The following HDAC4 variants were observed in gnomAD, a reference collection of about 807,000 sequenced individuals.
HDAC4 encodes histone deacetylase 4.
HDAC4 carries 16 observed loss-of-function variants against 135.1 expected under a neutral mutation model. That is an observed-to-expected ratio of 0.12 (90% CI 0.08 to 0.18). HDAC4 has a LOEUF of 0.18. Among genes scored for constraint, HDAC4 ranks in the 10% least tolerant of loss-of-function variants. The pLI, the probability that HDAC4 is intolerant of heterozygous loss-of-function variation, is 1.00. For synonymous variants in HDAC4, 685 were observed against 653.4 expected (o/e 1.05, Z -0.74); for missense variants, 1,143 against 1,511.8 (o/e 0.76, Z 4.05).
intron 16 of HDAC4, among the ~76,000 whole-genome samples, chr2:239,098,383 C>T (rs1333341141): frequency 6.6e-6 from 1 of 152,274 alleles, no homozygotes; most frequent in Non-Finnish European, 1.5e-5. Flanking sequence ...GGCTCGGCTC[C>T]AGCCATCCTC....
chr2:239,182,693 T>A (rs681715), intron 4 of HDAC4, among the ~76,000 whole-genome samples: 113,146 of 152,098 alleles, frequency 0.74, 42,202 homozygotes, highest in South Asian at 0.91. Context: ...CAGGACAAAC[T>A]GGATTTCAAC....
At chr2:239,380,833 C>T (rs902727939) in intron 1 of HDAC4, among the ~76,000 whole-genome samples, 3 of 152,112 alleles carry the variant, frequency 2.0e-5, no homozygotes, top group African/African-American at 7.2e-5. Context: ...TGCTGCCTAC[C>T]GATCTCCACT....
At chr2:239,362,709 A>G (rs923252864) in intron 1 of HDAC4, among the ~76,000 whole-genome samples, 3 of 152,182 alleles carry the variant, frequency 2.0e-5, no homozygotes, top group African/African-American at 7.2e-5. Context: ...CCAAATACAC[A>G]TCATCTCCTG....
chr2:239,084,960 GAC>G (rs2035780146), intron 19 of HDAC4, among the ~76,000 whole-genome samples: 1 of 124,684 alleles, frequency 8.0e-6, no homozygotes, highest in South Asian at 2.7e-4. Flanking sequence ...ACAAACCACA[GAC>G]ACATACAAGC....
chr2:239,348,283 A>G (rs1692864116), intron 2 of HDAC4, among the ~76,000 whole-genome samples: 1 of 151,440 alleles, frequency 6.6e-6, no homozygotes, highest in African/African-American at 2.4e-5. Flanking sequence ...GACACGTCCC[A>G]GCAAATCCAC....
chr2:239,072,823 G>C (rs2034333834), intron 22 of HDAC4, among the ~76,000 whole-genome samples: 1 of 152,232 alleles, frequency 6.6e-6, no homozygotes, highest in Non-Finnish European at 1.5e-5. Flanking sequence ...CCGCAGATCA[G>C]AATCTTATTG....
chr2:239,214,489 A>G (rs2046514880), intron 3 of HDAC4, among the ~76,000 whole-genome samples: 1 of 152,190 alleles, frequency 6.6e-6, no homozygotes, highest in East Asian at 1.9e-4. Context: ...GCTGAGGGAC[A>G]TTTCGGGGGT....
At chr2:239,227,917 C>G (rs1038792863) in intron 3 of HDAC4, among the ~76,000 whole-genome samples, 5 of 152,224 alleles carry the variant, frequency 3.3e-5, no homozygotes, top group African/African-American at 1.2e-4. Flanking sequence ...TTCCATCCAC[C>G]AGGCATCTTC....
chr2:239,225,660 G>A (rs1461999738), intron 3 of HDAC4, among the ~76,000 whole-genome samples: 1 of 152,188 alleles, frequency 6.6e-6, no homozygotes, highest in Non-Finnish European at 1.5e-5. Flanking sequence ...GCTGGGTGCT[G>A]TAGAACTGAA....
chr2:239,058,514 A>G (rs569666150), intron 24 of HDAC4, among the ~76,000 whole-genome samples: 1 of 152,206 alleles, frequency 6.6e-6, no homozygotes, highest in African/African-American at 2.4e-5. Flanking sequence ...CTTCAGGGGA[A>G]GGCTAAAAGT....
chr2:239,246,812 G>A (rs887333957), intron 2 of HDAC4, among the ~76,000 whole-genome samples: 3 of 152,350 alleles, frequency 2.0e-5, no homozygotes, highest in Non-Finnish European at 2.9e-5. Context: ...AAATGTCCTC[G>A]CCTGCCTTTG....
At chr2:239,206,664 A>G (rs2046067841) in intron 3 of HDAC4, among the ~76,000 whole-genome samples, 1 of 95,928 alleles carries the variant, frequency 1.0e-5, no homozygotes, top group South Asian at 3.5e-4. Context: ...TCAAGGACTG[A>G]AAAAAAAAAA....
At chr2:239,371,049 A>C (rs1403220961) in intron 1 of HDAC4, among the ~76,000 whole-genome samples, 2 of 152,168 alleles carry the variant, frequency 1.3e-5, no homozygotes, top group East Asian at 3.8e-4. Flanking sequence ...GTCACTCCTC[A>C]GCTCCTGGCA....
intron 2 of HDAC4, among the ~76,000 whole-genome samples, chr2:239,264,759 C>A (rs1575561994): frequency 6.6e-6 from 1 of 152,216 alleles, no homozygotes; most frequent in Admixed American, 6.5e-5. Context: ...GAAAGCCATG[C>A]CTTGCGGCAG....
At position 239,053,563 on chromosome 2, in the gene HDAC4, C is replaced by T. The variant is rs757840092; in HGVS notation, c.3127G>A (p.Ala1043Thr). 6.2e-7 allele frequency: 1 copy of T among 1,613,980 alleles called. No homozygotes were observed. The highest frequency in any genetic ancestry group is 1.1e-5 in the South Asian group (1 of 91,084). Residue 1043 changes from alanine to threonine, a missense_variant, in exon 26 of 27, where the codon GCG becomes ACG. Around this residue, in one of 9 missense-constraint regions of HDAC4, gnomAD observed 131 missense variants for 130.6 expected, o/e 1.00. Transcript: ENST00000543185. ...WRCLQRTTST[A>T]GRSLIEAQTC... The stretch of plus-strand genomic sequence containing the variant: ...TGAGCCTCGATCAGAGAACGCCCCG[C>T]TGTGGAGGTTGTGCGCTGCAGGCAG...
intron 24 of HDAC4, among the ~76,000 whole-genome samples, chr2:239,060,626 G>A (rs2032546084): frequency 6.6e-6 from 1 of 152,238 alleles, no homozygotes; most frequent in Non-Finnish European, 1.5e-5. Flanking sequence ...TCACGCCACT[G>A]CTGAAGACAG....
At chr2:239,384,111 A>G (rs1042473335) in intron 1 of HDAC4, among the ~76,000 whole-genome samples, 1 of 152,226 alleles carries the variant, frequency 6.6e-6, no homozygotes, top group African/African-American at 2.4e-5. Context: ...GCAAAGGCAG[A>G]AAACCCAGGG....
At position 239,313,195 on chromosome 2, in the gene HDAC4, A is replaced by T. The variant is rs1448057339; in HGVS notation, c.22+39483T>A. ...GTCTCTCCCTCTCACCAGCACACAG[A>T]TGTTCTCAGCGGCAGAGCCTGGCTT... On this transcript the variant is annotated intron_variant, in intron 2 of 26. Transcript: ENST00000543185. This position sits in a 1 kb window ranked among gnomAD's most constrained non-coding sequence, Gnocchi z 5.1. Among the ~76,000 whole-genome samples, 1 of 152,194 alleles carries T rather than the reference A, an allele frequency of 6.6e-6. No individual in the cohort carries two copies. The highest frequency in any genetic ancestry group is 1.5e-5 in the Non-Finnish European group (1 of 68,038).
chr2:239,312,431 C>T (rs2052926972), intron 2 of HDAC4, among the ~76,000 whole-genome samples: 1 of 152,180 alleles, frequency 6.6e-6, no homozygotes, highest in Non-Finnish European at 1.5e-5. Context: ...ACACGCAGGG[C>T]ACGCACGCAC....
Sources: allele counts gnomAD v4.1 joint callset (sites outside exome capture counted in the v4.1 genomes callset), GRCh38; gene constraint gnomAD v4.1.1; regional missense constraint gnomAD v4.1.1; non-coding constraint Gnocchi (gnomAD v3.1); transcripts MANE v1.5; gene names NCBI Gene and HGNC (gene_info 2026-07-23, HGNC 2026-07-21).